Variants in SYNDIG1L observed in about 807,000 individuals in gnomAD.
SYNDIG1L encodes the protein synapse differentiation inducing 1 like.
In SYNDIG1L, 13 loss-of-function variants were observed where a neutral mutation model predicts 20.1. The observed-to-expected ratio is 0.65, with a 90% confidence interval of 0.42 to 1.03. The LOEUF (loss-of-function observed/expected upper bound fraction) is 1.03, where lower values mean the gene tolerates loss of function less well. Among genes scored for constraint, SYNDIG1L ranks in the 50% least tolerant of loss-of-function variants. The probability of loss-of-function intolerance (pLI) is 0.00; values close to 1 mark genes in which losing one functional copy is unlikely to be tolerated. For synonymous variants in SYNDIG1L, 128 were observed against 129.3 expected (o/e 0.99, Z 0.07); for missense variants, 294 against 305.1 (o/e 0.96, Z 0.27).
At chr14:74,464,440 A>G in the SYNDIG1L span, among the ~76,000 whole-genome samples, 3 of 152,094 alleles carry the variant, frequency 2.0e-5, no homozygotes, top group African/African-American at 7.2e-5. Flanking sequence ...TGTTTCATTG[A>G]TGGCTGTTTC....
At chr14:74,458,771 C>T in the SYNDIG1L span, among the ~76,000 whole-genome samples, 1 of 151,922 alleles carries the variant, frequency 6.6e-6, no homozygotes, top group Admixed American at 6.6e-5. Flanking sequence ...ACATTTTATA[C>T]ACACCTTGAC....
intron 1 of SYNDIG1L, among the ~76,000 whole-genome samples, chr14:74,423,400 C>T (rs551441817): frequency 6.6e-6 from 1 of 152,332 alleles, no homozygotes; most frequent in African/African-American, 2.4e-5. Flanking sequence ...GCTGTTGCTG[C>T]TGCTGCTGCC....
the SYNDIG1L span, among the ~76,000 whole-genome samples, chr14:74,442,153 T>A: frequency 6.6e-6 from 1 of 152,188 alleles, no homozygotes; most frequent in African/African-American, 2.4e-5. Flanking sequence ...AAATATCTGT[T>A]GAATGTTCAC....
At chr14:74,473,404 T>C in the SYNDIG1L span, among the ~76,000 whole-genome samples, 1 of 151,932 alleles carries the variant, frequency 6.6e-6, no homozygotes, top group African/African-American at 2.4e-5. Flanking sequence ...TAAATAAATA[T>C]ATAAATACTC....
intron 1 of SYNDIG1L, among the ~76,000 whole-genome samples, chr14:74,423,198 T>A (rs1042055352): frequency 6.6e-6 from 1 of 152,098 alleles, no homozygotes; most frequent in African/African-American, 2.4e-5. Flanking sequence ...ATGGGTAGTT[T>A]TCCCCGGTCA....
chr14:74,457,854 G>A, the SYNDIG1L span, among the ~76,000 whole-genome samples: 29 of 152,208 alleles, frequency 1.9e-4, no homozygotes, highest in African/African-American at 5.3e-4. Flanking sequence ...TGGAGCTGCA[G>A]TGGTGCGGTC....
At chr14:74,477,130 C>G in the SYNDIG1L span, among the ~76,000 whole-genome samples, 1 of 151,546 alleles carries the variant, frequency 6.6e-6, no homozygotes, top group African/African-American at 2.4e-5. Context: ...CACACACACA[C>G]ACACACACAC....
the SYNDIG1L span, among the ~76,000 whole-genome samples, chr14:74,471,417 C>G: frequency 6.6e-6 from 1 of 152,012 alleles, no homozygotes; most frequent in African/African-American, 2.4e-5. Context: ...AGCAACATGG[C>G]AAAACTCCGT....
the SYNDIG1L span, among the ~76,000 whole-genome samples, chr14:74,432,821 T>G: frequency 6.6e-6 from 1 of 151,476 alleles, no homozygotes; most frequent in Admixed American, 6.6e-5. Flanking sequence ...ACCACTGCAC[T>G]CCAGCCTGGG....
intron 1 of SYNDIG1L, among the ~76,000 whole-genome samples, chr14:74,424,230 G>A (rs1342571923): frequency 2.0e-5 from 3 of 152,180 alleles, no homozygotes; most frequent in Non-Finnish European, 4.4e-5. Context: ...AACTCATCTA[G>A]CCCAACTCTC....
chr14:74,469,794 T>C, the SYNDIG1L span, among the ~76,000 whole-genome samples: 1 of 152,242 alleles, frequency 6.6e-6, no homozygotes, highest in Non-Finnish European at 1.5e-5. Context: ...CTGCTAAGTC[T>C]GGCAACTTAA....
chr14:74,425,451 A>G (rs899333199), intron 1 of SYNDIG1L, among the ~76,000 whole-genome samples: 8 of 152,228 alleles, frequency 5.3e-5, no homozygotes, highest in Admixed American at 2.6e-4. Flanking sequence ...AGCCATTTCC[A>G]GGGCAGAGAA....
the SYNDIG1L span, among the ~76,000 whole-genome samples, chr14:74,468,791 T>C: frequency 6.6e-6 from 1 of 152,198 alleles, no homozygotes; most frequent in Non-Finnish European, 1.5e-5. Flanking sequence ...TACCTCCTCC[T>C]GCTTCCAAAC....
rs561280285 is a variant in SYNDIG1L at position 74,406,276 on chromosome 14, C to T, written c.*1259G>A. 3 of 394,632 alleles carry T rather than the reference C, an allele frequency of 7.6e-6. No homozygotes were observed. The highest frequency in any genetic ancestry group is 6.2e-5 in the African/African-American group (3 of 48,662). The allele number at this position is 394,632 out of a possible 1,614,324, so 24.4% of individuals were successfully genotyped here. ...CAGGTACCCACCACTGACCCCCTAG[C>T]ATTCAGAGATGGGAAAACATCATTG... On this transcript the variant is annotated 3_prime_UTR_variant, in exon 4 of 4. Coordinates refer to ENST00000331628, the MANE Select transcript of SYNDIG1L (RefSeq NM_001105579.2).
chr14:74,429,220 G>C (rs969748199), upstream of SYNDIG1L, among the ~76,000 whole-genome samples: 2 of 152,158 alleles, frequency 1.3e-5, no homozygotes, highest in Non-Finnish European at 2.9e-5. Flanking sequence ...CTGGGACTAG[G>C]GTGAGGACCA....
rs2240620 is a variant in SYNDIG1L, at chr14:74,406,656, G to C, written c.*879C>G. 0.64 allele frequency: 96,647 copies of C among 151,944 alleles called. 30,819 individuals carry two copies. Among genetic ancestry groups the C allele is most frequent in the Admixed American group, 0.67 (10,152 of 15,260 alleles). 9.4% of individuals were successfully genotyped at this position (151,944 alleles called of 1,614,324 possible). On this transcript the variant is annotated 3_prime_UTR_variant, in exon 4 of 4. Coordinates refer to ENST00000331628, the MANE Select transcript of SYNDIG1L (RefSeq NM_001105579.2). ...TTTCTGTAGGGCTGGACCTAGGGCC[G>C]TGCGCTCAGTGGCTGGTGAGCTGAG...
At chr14:74,455,284 C>T in the SYNDIG1L span, among the ~76,000 whole-genome samples, 4 of 152,130 alleles carry the variant, frequency 2.6e-5, no homozygotes, top group African/African-American at 4.8e-5. Context: ...GGACACCTTT[C>T]GTGTCCCTGC....
chr14:74,438,924 C>T, the SYNDIG1L span, among the ~76,000 whole-genome samples: 1 of 152,100 alleles, frequency 6.6e-6, no homozygotes, highest in Non-Finnish European at 1.5e-5. Flanking sequence ...ACCAGCCTGG[C>T]CAATATCATG....
the SYNDIG1L span, among the ~76,000 whole-genome samples, chr14:74,451,984 T>TAAAAAA: frequency 1.5e-5 from 1 of 65,246 alleles, no homozygotes; most frequent in Admixed American, 1.9e-4. Context: ...AGACTTTGTC[T>TAAAAAA]AAAAAAAAAA....
Sources: allele counts gnomAD v4.1 joint callset (sites outside exome capture counted in the v4.1 genomes callset), GRCh38; gene constraint gnomAD v4.1.1; transcripts MANE v1.5; gene names NCBI Gene and HGNC (gene_info 2026-07-23, HGNC 2026-07-21).